Variants in ARID1B observed in about 807,000 individuals in gnomAD.
The protein encoded by ARID1B is AT-rich interaction domain 1B, also known as AT-rich interactive domain-containing protein 1B.
Under a neutral mutation model 212.3 loss-of-function variants are expected in ARID1B, and 30 were observed. The ratio of observed to expected loss-of-function variants is 0.14; its 90% confidence interval spans 0.11 to 0.19. The LOEUF is 0.19. Ranked by LOEUF, ARID1B falls within the 10% of genes least tolerant of loss-of-function variation. The pLI, the probability that ARID1B is intolerant of heterozygous loss-of-function variation, is 1.00. For synonymous variants in ARID1B, 1,402 were observed against 1,301.7 expected (o/e 1.08, Z -1.66); for missense variants, 2,891 against 3,204.0 (o/e 0.90, Z 2.36).
At chr6:157,126,647 C>G (rs535881690) in intron 6 of ARID1B, among the ~76,000 whole-genome samples, 2 of 152,162 alleles carry the variant, frequency 1.3e-5, no homozygotes, top group South Asian at 2.1e-4. Context: ...TTCGAGGAAA[C>G]TTTGTTTTGT....
At chr6:156,995,876 A>G (rs1180072146) in intron 4 of ARID1B, among the ~76,000 whole-genome samples, 1 of 152,222 alleles carries the variant, frequency 6.6e-6, no homozygotes, top group Non-Finnish European at 1.5e-5. Flanking sequence ...TATATATTAC[A>G]TGGAACATAT....
chr6:156,969,322 G>A (rs1376752909), intron 4 of ARID1B, among the ~76,000 whole-genome samples: 1 of 152,120 alleles, frequency 6.6e-6, no homozygotes. Flanking sequence ...GTTAGTCTGG[G>A]CTTAACTTGT....
At chr6:156,824,642 G>A (rs987721168) in intron 1 of ARID1B, among the ~76,000 whole-genome samples, 1 of 152,104 alleles carries the variant, frequency 6.6e-6, no homozygotes, top group African/African-American at 2.4e-5. Context: ...GTATGTGCCT[G>A]TAATCCCAGC....
intron 4 of ARID1B, among the ~76,000 whole-genome samples, chr6:157,018,044 A>T (rs946780930): frequency 2.7e-5 from 4 of 150,920 alleles, no homozygotes; most frequent in African/African-American, 9.8e-5. Context: ...AGGTGGGAGG[A>T]TAGGTTGAGC....
intron 5 of ARID1B, among the ~76,000 whole-genome samples, chr6:157,099,541 TAAAAG>T (rs1385436014): frequency 1.3e-5 from 2 of 152,224 alleles, no homozygotes; most frequent in Non-Finnish European, 2.9e-5. Flanking sequence ...GTTTAATTAA[TAAAAG>T]AAAAGTTCTG....
At chr6:157,055,345 T>G (rs2055150967) in intron 4 of ARID1B, among the ~76,000 whole-genome samples, 1 of 152,256 alleles carries the variant, frequency 6.6e-6, no homozygotes, top group Non-Finnish European at 1.5e-5. Flanking sequence ...AATCTTTTTT[T>G]GTTTCTGTCT....
chr6:157,117,641 G>T (rs934190608), intron 6 of ARID1B, among the ~76,000 whole-genome samples: 3 of 152,312 alleles, frequency 2.0e-5, no homozygotes, highest in Non-Finnish European at 4.4e-5. Context: ...CAGATGCTCA[G>T]CAGAGACTGA....
At chr6:157,058,059 G>A (rs992265466) in intron 4 of ARID1B, among the ~76,000 whole-genome samples, 1 of 152,108 alleles carries the variant, frequency 6.6e-6, no homozygotes, top group African/African-American at 2.4e-5. Flanking sequence ...GAAAGCAGTG[G>A]CATAGTAAGG....
intron 5 of ARID1B, among the ~76,000 whole-genome samples, chr6:157,092,149 T>A (rs1785321924): frequency 6.6e-6 from 1 of 152,206 alleles, no homozygotes; most frequent in East Asian, 1.9e-4. Flanking sequence ...TAAGCCAGTA[T>A]TTTTTTCCCT....
intron 3 of ARID1B, among the ~76,000 whole-genome samples, chr6:156,910,944 A>C (rs948564301): frequency 6.6e-6 from 1 of 152,270 alleles, no homozygotes; most frequent in Admixed American, 6.5e-5. Context: ...TAAGGCACTA[A>C]CTATATATGG....
At chr6:157,111,086 C>T (rs556387530) in intron 6 of ARID1B, 1 of 154,858 alleles carries the variant, frequency 6.5e-6, no homozygotes, top group South Asian at 2.0e-4. Flanking sequence ...GGGAGTGTAG[C>T]GGTTAGGTGT....
At chr6:156,936,659 C>CAAAAAAAA (rs1156493021) in intron 4 of ARID1B, 1 of 96,432 alleles carries the variant, frequency 1.0e-5, no homozygotes, top group Non-Finnish European at 2.3e-5. Context: ...GACTCCATCT[C>CAAAAAAAA]AAAAAAAAAA....
intron 3 of ARID1B, among the ~76,000 whole-genome samples, chr6:156,905,638 G>T (rs1035963233): frequency 6.6e-6 from 1 of 152,102 alleles, no homozygotes; most frequent in Non-Finnish European, 1.5e-5. Flanking sequence ...GGTGTTTGGG[G>T]TCATTTTGGG....
At chr6:157,137,107 G>A (rs1349394469) in intron 7 of ARID1B, among the ~76,000 whole-genome samples, 1 of 152,068 alleles carries the variant, frequency 6.6e-6, no homozygotes, top group African/African-American at 2.4e-5. Context: ...CTTGAGCCCA[G>A]GAGGTTGAGG....
intron 4 of ARID1B, among the ~76,000 whole-genome samples, chr6:157,042,946 C>A (rs1781987199): frequency 1.3e-5 from 2 of 152,182 alleles, no homozygotes; most frequent in Admixed American, 6.5e-5. Flanking sequence ...CAGGCATGAG[C>A]CACCGCACAA....
intron 2 of ARID1B, among the ~76,000 whole-genome samples, chr6:156,838,366 C>T (rs576444836): frequency 2.0e-5 from 3 of 152,266 alleles, no homozygotes; most frequent in Middle Eastern, 6.8e-3. Flanking sequence ...TATAACCAGC[C>T]TCACTTGGAT....
chr6:156,779,586 C>T (rs1207993494), intron 1 of ARID1B, 115 bp downstream of exon 1: 3 of 1,082,766 alleles, frequency 2.8e-6, no homozygotes, highest in African/African-American at 1.7e-5. Context: ...GCGGCGGGGG[C>T]GCGGCGCCCA....
intron 1 of ARID1B, among the ~76,000 whole-genome samples, chr6:156,818,664 C>CA (rs1423379669): frequency 2.0e-5 from 3 of 152,126 alleles, no homozygotes; most frequent in Admixed American, 6.5e-5. Context: ...GATGTGAACC[C>CA]AGGTGTACCT....
In ARID1B at chr6:156,778,198, CCCACCACCACCACCACCATGCCCA is replaced by C. The variant is rs1778795055; in HGVS notation, c.524_547del (p.His175_His182del). The C allele has an allele frequency of 3.4e-5, 53 of 1,538,096 alleles. No homozygotes were observed. Among genetic ancestry groups the C allele is most frequent in the Non-Finnish European group, 4.5e-5 (52 of 1,145,206 alleles). ...CAGCAGCACCACCACCACCACCATG[CCCACCACCACCACCACCATGCCCA>C]CCACCTCCACCACCACCACGCACTA... On this transcript the variant is annotated inframe_deletion, in exon 1 of 20. Transcript: ENST00000636930.
Sources: allele counts gnomAD v4.1 joint callset (sites outside exome capture counted in the v4.1 genomes callset), GRCh38; gene constraint gnomAD v4.1.1; transcripts MANE v1.5; gene names NCBI Gene and HGNC (gene_info 2026-07-23, HGNC 2026-07-21).